Variants in SYNGR1 observed in about 807,000 individuals in gnomAD.
SYNGR1 encodes synaptogyrin 1, also known as synaptogyrin-1.
A neutral mutation model predicts 26.1 loss-of-function variants in SYNGR1; 14 were observed. The ratio of observed to expected loss-of-function variants is 0.54; its 90% confidence interval spans 0.35 to 0.84. SYNGR1 has a LOEUF of 0.84. Among genes scored for constraint, SYNGR1 ranks in the 40% least tolerant of loss-of-function variants. The pLI is 0.01. For missense variants in SYNGR1, 319 were observed against 332.9 expected (o/e 0.96, Z 0.33); for synonymous variants, 141 against 150.1 (o/e 0.94, Z 0.44).
chr22:39,358,973 A>G (rs1158491416), intron 1 of SYNGR1, among the ~76,000 whole-genome samples: 2 of 152,264 alleles, frequency 1.3e-5, no homozygotes, highest in Non-Finnish European at 2.9e-5. Context: ...CAAGCTGTCA[A>G]ACCCAAGCTG....
In SYNGR1 at chr22:39,376,129, C is replaced by G; in HGVS notation, c.415C>G (p.Pro139Ala). ...QWQVSKPKDN[P>A]LNEGTDAARA... Reference sequence around the variant, plus strand: ...GCAGGTCTCCAAGCCCAAGGACAACCCACTGAACGAAGGGACGGACGCAGC... The same window carrying G: ...GCAGGTCTCCAAGCCCAAGGACAACGCACTGAACGAAGGGACGGACGCAGC... Residue 139 changes from proline (P) to alanine (A), a missense_variant, in exon 3 of 4, where the codon CCA becomes GCA. Coordinates refer to ENST00000328933, the MANE Select transcript of SYNGR1 (RefSeq NM_004711.5). The G allele has an allele frequency of 6.2e-7, 1 of 1,614,218 alleles. No individual in the cohort carries two copies. The highest frequency in any genetic ancestry group is 8.5e-7 in the Non-Finnish European group (1 of 1,180,044).
rs938060914 is a variant in SYNGR1, at chr22:39,382,058, G to A, written c.*144G>A. 1.2e-6 allele frequency: 1 copy of A among 866,598 alleles called. No individual in the cohort carries two copies. The highest frequency in any genetic ancestry group is 1.8e-6 in the Non-Finnish European group (1 of 547,440). 53.7% of individuals were successfully genotyped at this position (866,598 alleles called of 1,614,324 possible). On this transcript the variant is annotated 3_prime_UTR_variant, in exon 4 of 4. Transcript: ENST00000328933. ...AGGTCCAGGGTAGCTCGGGGCAGGG[G>A]TGGGGCAGTCCAGTGTTGGGGACTG... is the stretch of plus-strand genomic sequence containing the variant.
At chr22:39,371,725 T>G (rs2145625533) in intron 1 of SYNGR1, among the ~76,000 whole-genome samples, 1 of 152,170 alleles carries the variant, frequency 6.6e-6, no homozygotes, top group East Asian at 1.9e-4. Flanking sequence ...ACTCAAGTGA[T>G]CCTCCTTTCT....
At chr22:39,373,357 G>A (rs1454022622) in intron 1 of SYNGR1, among the ~76,000 whole-genome samples, 2 of 151,970 alleles carry the variant, frequency 1.3e-5, no homozygotes, top group African/African-American at 4.8e-5. Flanking sequence ...TAGTAAAGAC[G>A]GGGTTTCACC....
At chr22:39,378,170 C>A in intron 3 of SYNGR1, 5 of 1,108,284 alleles carry the variant, frequency 4.5e-6, no homozygotes, top group Non-Finnish European at 5.5e-6. Flanking sequence ...AGCATCCTGG[C>A]CGAGGATGTC....
At chr22:39,377,698 C>A in intron 3 of SYNGR1, 1 of 1,612,928 alleles carries the variant, frequency 6.2e-7, no homozygotes. Context: ...TAGGCCTCCC[C>A]GGCTTGCAGA....
In SYNGR1 at chr22:39,365,955, A is replaced by AT. The variant is rs1269019657; in HGVS notation, c.100-8359dup. Among the ~76,000 whole-genome samples the AT allele has an allele frequency of 2.3e-5, 3 of 129,948 alleles. No homozygotes were observed. In the East Asian group the frequency reaches 8.5e-4, roughly 37 times the overall value. 85.3% of individuals were successfully genotyped at this position (129,948 alleles called of 152,430 possible). A position where few individuals can be genotyped will look rare whatever the true frequency, so the allele number is the denominator to read the frequency against. ...CACCTTAGCCTCCCAAAGTGTTGGG[A>AT]TTACAGGCGTGAGCCACCGCGCTCA... On this transcript the variant is annotated intron_variant, in intron 1 of 3. Transcript: ENST00000328933.
intron 1 of SYNGR1, among the ~76,000 whole-genome samples, chr22:39,368,824 CTGTT>C (rs1026630155): frequency 6.6e-6 from 1 of 152,228 alleles, no homozygotes; most frequent in Non-Finnish European, 1.5e-5. Flanking sequence ...AAGCATGTGT[CTGTT>C]AGTAAGTGTT....
At chr22:39,380,658 T>C (rs897571101) in intron 3 of SYNGR1, among the ~76,000 whole-genome samples, 4 of 146,116 alleles carry the variant, frequency 2.7e-5, no homozygotes, top group Admixed American at 2.0e-4. Context: ...TCTCACTTTG[T>C]TGCCCAGGCT....
intron 1 of SYNGR1, among the ~76,000 whole-genome samples, chr22:39,361,005 C>A (rs531211002): frequency 1.3e-5 from 2 of 152,298 alleles, no homozygotes; most frequent in Admixed American, 1.3e-4. Context: ...ACTGATCGGT[C>A]GTCCTTCTAG....
At chr22:39,357,569 C>CA (rs1387125734) in intron 1 of SYNGR1, among the ~76,000 whole-genome samples, 7 of 151,844 alleles carry the variant, frequency 4.6e-5, no homozygotes. Context: ...GGGCTGCGTG[C>CA]GGCGCTTGCG....
chr22:39,369,799 T>C (rs1001152590), intron 1 of SYNGR1, among the ~76,000 whole-genome samples: 10 of 152,198 alleles, frequency 6.6e-5, no homozygotes, highest in African/African-American at 2.4e-4. Flanking sequence ...GTCTGAAGTC[T>C]CATGGTCATG....
At chr22:39,376,277 C>T (rs1353715627) in intron 3 of SYNGR1, 80 bp downstream of exon 3, 4 of 1,607,310 alleles carry the variant, frequency 2.5e-6, no homozygotes, top group Non-Finnish European at 3.4e-6. Flanking sequence ...TTTCGCTAGC[C>T]TGGGACCCGC....
chr22:39,352,452 T>C (rs1339450346), intron 1 of SYNGR1, among the ~76,000 whole-genome samples: 1 of 152,200 alleles, frequency 6.6e-6, no homozygotes, highest in Non-Finnish European at 1.5e-5. Flanking sequence ...AGATGGTAAA[T>C]TGTATGTTAC....
At chr22:39,351,498 TCTGTGCCAGTCTC>T (rs1326159193) in intron 1 of SYNGR1, among the ~76,000 whole-genome samples, 1 of 152,240 alleles carries the variant, frequency 6.6e-6, no homozygotes, top group Non-Finnish European at 1.5e-5. Flanking sequence ...AATTCATTTA[TCTGTGCCAGTCTC>T]CTGCTCCCCA....
intron 3 of SYNGR1, among the ~76,000 whole-genome samples, chr22:39,378,928 C>G (rs992874860): frequency 6.6e-6 from 1 of 152,218 alleles, no homozygotes; most frequent in African/African-American, 2.4e-5. Flanking sequence ...GTATGAGTGC[C>G]TACAGCCAGA....
Position 39,384,984 on chromosome 22 carries a change from G to A in SYNGR1, c.*3070G>A, listed in dbSNP as rs1485742113. 1 of 398,862 alleles carries A rather than the reference G, an allele frequency of 2.5e-6. No homozygotes were observed. The highest frequency in any genetic ancestry group is 4.4e-6 in the Non-Finnish European group (1 of 226,138). 24.7% of individuals were successfully genotyped at this position (398,862 alleles called of 1,614,324 possible). ...ATCCACCTGGGGGTGTCGCAGTTGA[G>A]GGGCTAATTCCCAGGGGACTGACGT... is the stretch of plus-strand genomic sequence containing the variant. On this transcript the variant is annotated 3_prime_UTR_variant, in exon 4 of 4. Transcript: ENST00000328933.
rs562228786 is a variant in SYNGR1, at chr22:39,376,121, A to G, written c.407A>G (p.Lys136Arg). 3.1e-6 allele frequency: 5 copies of G among 1,614,194 alleles called. 1 individual carries two copies. The South Asian group carries it at 3.3e-5, about 11-fold the overall frequency. Residue 136 changes from lysine to arginine, a missense_variant, in exon 3 of 4, where the codon AAG (lysine) becomes AGG (arginine). By Grantham distance (26) the Lys-to-Arg change is conservative. Transcript: ENST00000328933. ...AACCAGTGGCAGGTCTCCAAGCCCA[A>G]GGACAACCCACTGAACGAAGGGACG... ...LANQWQVSKP[K>R]DNPLNEGTDA...
intron 1 of SYNGR1, chr22:39,364,265 G>C: frequency 6.2e-7 from 1 of 1,614,152 alleles, no homozygotes; most frequent in Admixed American, 1.7e-5. Context: ...CAGAGGTCGT[G>C]GGTGAGCTGG....
Sources: gnomAD v4.1 joint callset for allele counts (sites outside exome capture counted in the v4.1 genomes callset) on GRCh38, gnomAD v4.1.1 for gene constraint, MANE v1.5 for transcripts, NCBI Gene and HGNC (gene_info 2026-07-23, HGNC 2026-07-21) for gene names.